Variants in ZNF16 observed in about 807,000 individuals in gnomAD.
ZNF16 encodes the protein zinc finger protein 16.
ZNF16 carries 7 observed loss-of-function variants against 9.0 expected under a neutral mutation model. The observed-to-expected ratio is 0.78, with a 90% CI of 0.44 to 1.47. The LOEUF (loss-of-function observed/expected upper bound fraction) is 1.47, where lower values mean the gene tolerates loss of function less well. Ranked by LOEUF, ZNF16 falls within the 40% of genes most tolerant of loss-of-function variation. The pLI is 0.01. For synonymous variants in ZNF16, 312 were observed against 301.5 expected (o/e 1.03, Z -0.36); for missense variants, 830 against 854.2 (o/e 0.97, Z 0.35).
chr8:144,942,694 T>A (rs760372230), intron 2 of ZNF16, among the ~76,000 whole-genome samples: 1 of 152,218 alleles, frequency 6.6e-6, no homozygotes, highest in East Asian at 1.9e-4. Context: ...AAATCTCTGC[T>A]TCTCTACAGA....
At chr8:144,937,058 T>G (rs55836769) in intron 2 of ZNF16, among the ~76,000 whole-genome samples, 13,869 of 151,962 alleles carry the variant, frequency 0.091, 858 homozygotes, top group Non-Finnish European at 0.14. Flanking sequence ...TCTTTATATA[T>G]TCTACATACT....
chr8:144,943,625 T>G (rs1833855659), intron 2 of ZNF16, among the ~76,000 whole-genome samples: 1 of 152,094 alleles, frequency 6.6e-6, no homozygotes, highest in South Asian at 2.1e-4. Flanking sequence ...GTTCAAGCGA[T>G]TCTCCTGCCT....
In ZNF16 at chr8:144,950,826, G is replaced by A. The variant is rs1480125432; in HGVS notation, c.-39C>T. On this transcript the variant is annotated 5_prime_UTR_variant, in exon 1 of 3. Coordinates refer to ENST00000394909, the MANE Select transcript of ZNF16 (RefSeq NM_006958.3). ...ACGGGTCGCGCTTGGAAAGGAGGCAGCACCGTGGCACGAAGACGTCTCAGC... is the reference window on the plus strand; with the variant it reads ...ACGGGTCGCGCTTGGAAAGGAGGCAACACCGTGGCACGAAGACGTCTCAGC... The A allele has an allele frequency of 6.6e-6, 1 of 152,310 alleles. No homozygotes were observed. The highest frequency in any genetic ancestry group is 2.4e-5 in the African/African-American group (1 of 41,470). 9.4% of individuals were successfully genotyped at this position (152,310 alleles called of 1,614,324 possible).
In ZNF16 at chr8:144,931,074, C is replaced by T. The variant is rs1369012898; in HGVS notation, c.1713G>A (p.Lys571=). ...TACCACACTGGTTACATTCATGGGG[C>T]TTCAGCCCATTATGAATCCTCTGAT... ...IQHQRIHNGL[K]PHECNQCGKA... is the part of the protein sequence containing the mutation. The change falls in exon 3 of 3, where the codon AAG becomes AAA. Residue 571 remains lysine, a synonymous_variant. Coordinates refer to ENST00000394909, the MANE Select transcript of ZNF16 (RefSeq NM_006958.3). The T allele has an allele frequency of 5.6e-6, 9 of 1,614,082 alleles. No homozygotes were observed. The highest frequency in any genetic ancestry group is 6.8e-6 in the Non-Finnish European group (8 of 1,180,030).
intron 2 of ZNF16, chr8:144,944,084 T>C (rs1833869358): frequency 1.3e-5 from 2 of 150,368 alleles, no homozygotes; most frequent in Non-Finnish European, 3.0e-5. Flanking sequence ...CTTTTTTTTT[T>C]TCTTGAGACG....
In ZNF16 at chr8:144,932,488, A is replaced by G; in HGVS notation, c.299T>C (p.Val100Ala). 1 of 1,614,206 alleles carries G rather than the reference A, an allele frequency of 6.2e-7. No individual in the cohort carries two copies. The highest frequency in any genetic ancestry group is 8.5e-7 in the Non-Finnish European group (1 of 1,180,032). ...ATCTCCAAGCTCGGGTACCTGGGAA[A>G]CATCACCAGCATAGTTTTCTGATAT... ...AEISENYAGD[V>A]SQVPELGDLC... The change falls in exon 3 of 3, where the codon GTT becomes GCT. Residue 100 changes from valine to alanine, a missense_variant. Transcript: ENST00000394909. The surrounding 1 kb of genome is among the most constrained non-coding windows in gnomAD (Gnocchi z 5.0).
intron 1 of ZNF16, chr8:144,948,260 T>C (rs909415484): frequency 6.6e-6 from 1 of 152,252 alleles, no homozygotes; most frequent in Non-Finnish European, 1.5e-5. Flanking sequence ...TGGCCACATT[T>C]CTGTGTCAGG....
At chr8:144,949,415 G>A (rs1034294363) in intron 1 of ZNF16, among the ~76,000 whole-genome samples, 1 of 152,184 alleles carries the variant, frequency 6.6e-6, no homozygotes, top group African/African-American at 2.4e-5. Flanking sequence ...TCTCCCATGC[G>A]CTGGGAACCA....
intron 2 of ZNF16, among the ~76,000 whole-genome samples, chr8:144,937,141 CTCTTT>C (rs1278733058): frequency 6.4e-5 from 6 of 93,044 alleles, no homozygotes; most frequent in East Asian, 4.1e-4. Flanking sequence ...TTCTTTCTCT[CTCTTT>C]TTTTTTTTTT....
At chr8:144,946,673 C>T (rs1264832280) in intron 1 of ZNF16, among the ~76,000 whole-genome samples, 39 of 113,204 alleles carry the variant, frequency 3.4e-4, no homozygotes, top group African/African-American at 1.2e-3. Context: ...TGGGCCTGTA[C>T]CCTACTGTGG....
rs756978146 is a variant in ZNF16, at chr8:144,933,126, G to A, written c.197-536C>T. 6.6e-6 allele frequency among the ~76,000 whole-genome samples: 1 copy of A among 152,174 alleles called. No homozygotes were observed. ...TGTCAGTGCATGCTAATGGCACTGAGCTTGGTCTTAGGAGTCACTAGTGTG... is the reference window on the plus strand; with the variant it reads ...TGTCAGTGCATGCTAATGGCACTGAACTTGGTCTTAGGAGTCACTAGTGTG... On this transcript the variant is annotated intron_variant, in intron 2 of 2. Coordinates refer to ENST00000394909, the MANE Select transcript of ZNF16 (RefSeq NM_006958.3). The surrounding 1 kb of genome is among the most constrained non-coding windows in gnomAD (Gnocchi z 5.6).
At chr8:144,946,325 G>A (rs1310415302) in intron 1 of ZNF16, 110 bp from the exon 2 acceptor site, 6 of 1,093,322 alleles carry the variant, frequency 5.5e-6, no homozygotes, top group African/African-American at 1.6e-5. Context: ...AAGACCTGAA[G>A]AGGGCCTGGT....
At position 144,930,609 on chromosome 8, in the gene ZNF16, T is replaced by A. The variant is rs1833499461; in HGVS notation, c.*129A>T. 2.0e-6 allele frequency: 2 copies of A among 1,012,756 alleles called. No homozygotes were observed. Among genetic ancestry groups the A allele is most frequent in the Admixed American group, 2.6e-5 (1 of 38,586 alleles). The allele number at this position is 1,012,756 out of a possible 1,614,324, so 62.7% of individuals were successfully genotyped here. A position where few individuals can be genotyped will look rare whatever the true frequency, so the allele number is the denominator to read the frequency against. On this transcript the variant is annotated 3_prime_UTR_variant, in exon 3 of 3. Coordinates refer to ENST00000394909, the MANE Select transcript of ZNF16 (RefSeq NM_006958.3). ...TTTCAAAGGAGGGTCCCAGGCTATGTGGCCACTGGATGTAGGCAGTGAGCT... is the reference window on the plus strand; with the variant it reads ...TTTCAAAGGAGGGTCCCAGGCTATGAGGCCACTGGATGTAGGCAGTGAGCT...
At chr8:144,950,633 C>CA (rs1176998625) in intron 1 of ZNF16, 164 bp downstream of exon 1, 2 of 151,378 alleles carry the variant, frequency 1.3e-5, no homozygotes, top group Non-Finnish European at 3.0e-5. Flanking sequence ...CGCCCCGCCC[C>CA]CCCCGCGCTC....
intron 1 of ZNF16, among the ~76,000 whole-genome samples, chr8:144,950,130 G>A (rs1361201831): frequency 2.0e-5 from 3 of 152,070 alleles, no homozygotes; most frequent in Admixed American, 6.5e-5. Context: ...TGGCCTACGT[G>A]CCCATCCAGG....
Position 144,932,346 on chromosome 8 carries a change from G to A in ZNF16, c.441C>T (p.Pro147=). ...TPAAMGLLRG[P]LGEKDLDCNG... is the part of the protein sequence containing the mutation. ...TACAGTCCAGATCTTTCTCCCCTAA[G>A]GGGCCCCTAAGGAGCCCCATGGCAG... The change falls in exon 3 of 3, where the codon CCC becomes CCT. Residue 147 remains proline (P), a synonymous_variant. Coordinates refer to ENST00000394909, the MANE Select transcript of ZNF16 (RefSeq NM_006958.3). The surrounding 1 kb of genome is among the most constrained non-coding windows in gnomAD (Gnocchi z 5.0). 6.2e-7 allele frequency: 1 copy of A among 1,614,118 alleles called. No homozygotes were observed. Among genetic ancestry groups the A allele is most frequent in the South Asian group, 1.1e-5 (1 of 91,084 alleles).
At chr8:144,943,549 T>A (rs1833853195) in intron 2 of ZNF16, among the ~76,000 whole-genome samples, 1 of 152,040 alleles carries the variant, frequency 6.6e-6, no homozygotes, top group African/African-American at 2.4e-5. Flanking sequence ...AGACAGAGTC[T>A]CACTCCATTA....
chr8:144,937,050 T>C (rs1833697767), intron 2 of ZNF16, among the ~76,000 whole-genome samples: 1 of 152,046 alleles, frequency 6.6e-6, no homozygotes, highest in Non-Finnish European at 1.5e-5. Context: ...GTAAGACTTC[T>C]TTATATATTC....
Position 144,931,144 on chromosome 8 carries a change from G to A in ZNF16, c.1643C>T (p.Thr548Ile), listed in dbSNP as rs1271721752. The A allele has an allele frequency of 1.2e-5, 19 of 1,614,026 alleles. No homozygotes were observed. The highest frequency in any genetic ancestry group is 1.6e-5 in the Non-Finnish European group (19 of 1,180,020). ...CTGGCTGAAGGTTTTTCCACATTCA[G>A]TACATTCATAGGGCTTCTCTCCAGT... ...VHTGEKPYEC[T>I]ECGKTFSQSS... is the part of the protein sequence containing the mutation. The change falls in exon 3 of 3, where the codon ACT becomes ATT. Residue 548 changes from threonine (T) to isoleucine (I), a missense_variant. Thr to Ile is a moderately conservative substitution (Grantham distance 89). Transcript: ENST00000394909.
Sources: gnomAD v4.1 joint callset for allele counts (sites outside exome capture counted in the v4.1 genomes callset) on GRCh38, gnomAD v4.1.1 for gene constraint, Gnocchi (gnomAD v3.1) non-coding constraint, MANE v1.5 for transcripts, NCBI Gene and HGNC (gene_info 2026-07-23, HGNC 2026-07-21) for gene names.